ADGRB3: variants seen among roughly 807,000 people sequenced by gnomAD.
The protein encoded by ADGRB3 is adhesion G protein-coupled receptor B3, also known as brain-specific angiogenesis inhibitor 3.
ADGRB3 carries 37 observed loss-of-function variants against 193.4 expected under a neutral mutation model. That is an observed-to-expected ratio of 0.19 (90% CI 0.15 to 0.25). The LOEUF is 0.25. ADGRB3 is among the 10% of genes least tolerant of loss of function. The pLI is 1.00. For synonymous variants in ADGRB3, 690 were observed against 644.2 expected (o/e 1.07, Z -1.08); for missense variants, 1,637 against 1,852.9 (o/e 0.88, Z 2.14).
At chr6:68,746,280 AG>A (rs1766082452) in intron 3 of ADGRB3, among the ~76,000 whole-genome samples, 2 of 151,932 alleles carry the variant, frequency 1.3e-5, no homozygotes, top group African/African-American at 4.8e-5. Flanking sequence ...TAGTGAGGTG[AG>A]AAGCTTTTCT....
chr6:68,782,733 G>C (rs1766880643), intron 3 of ADGRB3, among the ~76,000 whole-genome samples: 1 of 152,002 alleles, frequency 6.6e-6, no homozygotes, highest in Non-Finnish European at 1.5e-5. Context: ...GTGATGATGA[G>C]CATTTTTTCA....
At chr6:68,727,634 G>A (rs181200242) in intron 3 of ADGRB3, among the ~76,000 whole-genome samples, 183 of 151,534 alleles carry the variant, frequency 1.2e-3, no homozygotes, top group African/African-American at 4.1e-3. Flanking sequence ...ATCATTGTGA[G>A]GCATCACTAC....
intron 20 of ADGRB3, among the ~76,000 whole-genome samples, chr6:69,322,171 A>G (rs1768469601): frequency 6.6e-6 from 1 of 151,994 alleles, no homozygotes; most frequent in Non-Finnish European, 1.5e-5. Context: ...TGTTCCTGCA[A>G]AGGATATGAT....
chr6:69,071,440 C>T (rs927834615), intron 16 of ADGRB3, among the ~76,000 whole-genome samples: 16 of 152,052 alleles, frequency 1.1e-4, no homozygotes, highest in Admixed American at 2.6e-4. Flanking sequence ...GTTTGGTTGA[C>T]GTTGGAACAG....
chr6:68,685,061 T>A (rs1255819341), intron 3 of ADGRB3, among the ~76,000 whole-genome samples: 1 of 152,154 alleles, frequency 6.6e-6, no homozygotes, highest in Non-Finnish European at 1.5e-5. Flanking sequence ...ACATTGAATA[T>A]CTCTAACAGA....
intron 3 of ADGRB3, among the ~76,000 whole-genome samples, chr6:68,657,928 G>T (rs1768530154): frequency 6.6e-6 from 1 of 151,200 alleles, no homozygotes; most frequent in African/African-American, 2.4e-5. Flanking sequence ...TATGGGAAAT[G>T]GCTATTTTAG....
chr6:68,677,605 C>T (rs1769128112), intron 3 of ADGRB3, among the ~76,000 whole-genome samples: 1 of 147,572 alleles, frequency 6.8e-6, no homozygotes, highest in Admixed American at 7.0e-5. Context: ...GCAACCTCTG[C>T]CTCCTAGGTT....
intron 20 of ADGRB3, among the ~76,000 whole-genome samples, chr6:69,267,872 C>T (rs1320051602): frequency 6.6e-6 from 1 of 152,096 alleles, no homozygotes; most frequent in East Asian, 1.9e-4. Context: ...GCAAAAGCAT[C>T]AGATTTCCCT....
chr6:68,727,720 A>AG (rs1765699012), intron 3 of ADGRB3, among the ~76,000 whole-genome samples: 2 of 151,504 alleles, frequency 1.3e-5, no homozygotes, highest in Admixed American at 1.3e-4. Context: ...TCCATGTGAA[A>AG]TTTGGGGCTT....
At chr6:68,704,089 C>T (rs185281127) in intron 3 of ADGRB3, among the ~76,000 whole-genome samples, 7 of 152,172 alleles carry the variant, frequency 4.6e-5, no homozygotes, top group Admixed American at 3.3e-4. Context: ...AGCATTTTAC[C>T]ATTGAATAAC....
chr6:68,649,082 A>G (rs1461305920), intron 3 of ADGRB3, among the ~76,000 whole-genome samples: 1 of 152,126 alleles, frequency 6.6e-6, no homozygotes, highest in East Asian at 1.9e-4. Flanking sequence ...TCTAAAAATC[A>G]TGGTCTTTCT....
intron 19 of ADGRB3, among the ~76,000 whole-genome samples, chr6:69,236,892 T>C (rs1766277515): frequency 6.6e-6 from 1 of 152,114 alleles, no homozygotes; most frequent in South Asian, 2.1e-4. Context: ...TGAGATGAAC[T>C]TGAGAATTAC....
At chr6:69,239,012 CCTGTGCTA>C (rs1275518842) in intron 19 of ADGRB3, 104 bp from the exon 20 acceptor site, 1 of 509,636 alleles carries the variant, frequency 2.0e-6, no homozygotes, top group Non-Finnish European at 3.5e-6. Context: ...TGTAAATATT[CCTGTGCTA>C]CAGTACTTAT....
chr6:68,755,837 T>C (rs760679526), intron 3 of ADGRB3, among the ~76,000 whole-genome samples: 5 of 152,172 alleles, frequency 3.3e-5, no homozygotes, highest in Non-Finnish European at 5.9e-5. Flanking sequence ...CTTGTAAAAT[T>C]GCACCTAAGA....
At chr6:68,901,339 A>T (rs1039752090) in intron 3 of ADGRB3, among the ~76,000 whole-genome samples, 6 of 152,142 alleles carry the variant, frequency 3.9e-5, no homozygotes, top group African/African-American at 1.4e-4. Flanking sequence ...GTGCCTCAGA[A>T]CATGATAGCT....
intron 3 of ADGRB3, among the ~76,000 whole-genome samples, chr6:68,707,110 CAA>C (rs11349240): frequency 0.011 from 963 of 90,486 alleles, 5 homozygotes; most frequent in African/African-American, 0.023. Flanking sequence ...GACTCCATCT[CAA>C]AAAAAAAAAA....
intron 3 of ADGRB3, among the ~76,000 whole-genome samples, chr6:68,665,141 A>G (rs7739193): frequency 0.029 from 4,310 of 151,200 alleles, 190 homozygotes; most frequent in African/African-American, 0.099. Context: ...ACTCTTTATC[A>G]TCACTTCTCA....
At chr6:69,229,364 A>G (rs1484281388) in intron 17 of ADGRB3, among the ~76,000 whole-genome samples, 7 of 152,122 alleles carry the variant, frequency 4.6e-5, no homozygotes, top group Non-Finnish European at 1.0e-4. Flanking sequence ...GAAATTAACT[A>G]TTATTATGAT....
chr6:68,832,043 G>C (rs144893593), intron 3 of ADGRB3, among the ~76,000 whole-genome samples: 1 of 152,036 alleles, frequency 6.6e-6, no homozygotes, highest in Non-Finnish European at 1.5e-5. Flanking sequence ...CCAACATTAG[G>C]AGTTTAAATA....
Sources: allele counts gnomAD v4.1 joint callset (sites outside exome capture counted in the v4.1 genomes callset), GRCh38; gene constraint gnomAD v4.1.1; transcripts MANE v1.5; gene names NCBI Gene and HGNC (gene_info 2026-07-23, HGNC 2026-07-21).